Variants in DMD observed in about 807,000 individuals in gnomAD.
DMD encodes mutant dystrophin.
DMD carries 63 observed loss-of-function variants against 330.1 expected under a neutral mutation model. The ratio of observed to expected loss-of-function variants is 0.19; its 90% CI spans 0.16 to 0.24. The LOEUF (loss-of-function observed/expected upper bound fraction) is 0.24, where lower values mean the gene tolerates loss of function less well. Ranked by LOEUF, DMD falls within the 10% of genes least tolerant of loss-of-function variation. The pLI is 1.00. For synonymous variants in DMD, 1,223 were observed against 959.8 expected (o/e 1.27, Z -5.07); for missense variants, 3,344 against 2,684.1 (o/e 1.25, Z -5.43).
intron 2 of DMD, among the ~76,000 whole-genome samples, chrX:32,985,044 C>T (rs1191706436): frequency 1.8e-5 from 2 of 112,088 alleles, no homozygotes; most frequent in African/African-American, 3.2e-5. Flanking sequence ...ATTCTGAAAA[C>T]GGGTGATAAG....
chrX:31,366,276 C>T (rs1462481413), intron 60 of DMD, among the ~76,000 whole-genome samples: 1 of 108,814 alleles, frequency 9.2e-6, no homozygotes, highest in African/African-American at 3.3e-5. Context: ...TCTCAGGCTA[C>T]GCACCACTGA....
intron 50 of DMD, among the ~76,000 whole-genome samples, chrX:31,800,590 G>T (rs186030019): frequency 6.2e-5 from 7 of 112,383 alleles, no homozygotes; most frequent in Middle Eastern, 4.6e-3. Context: ...TTGTCTTGGC[G>T]CTTAACATTT....
intron 16 of DMD, among the ~76,000 whole-genome samples, chrX:32,548,301 C>A (rs1373087415): frequency 1.8e-5 from 2 of 111,618 alleles, no homozygotes; most frequent in Non-Finnish European, 3.8e-5. Context: ...TACCAGTATG[C>A]AAAATAATTA....
chrX:31,260,310 C>T (rs1018537336), intron 63 of DMD, among the ~76,000 whole-genome samples: 7 of 111,916 alleles, frequency 6.3e-5, no homozygotes, highest in Non-Finnish European at 1.1e-4. Context: ...AGATCTAAAA[C>T]GACAAACCAG....
At chrX:33,106,814 G>A (rs767334631) in intron 1 of DMD, among the ~76,000 whole-genome samples, 3 of 111,420 alleles carry the variant, frequency 2.7e-5, no homozygotes, top group Admixed American at 9.6e-5. Flanking sequence ...CAAGTTACTT[G>A]AGGCCATGAA....
intron 1 of DMD, among the ~76,000 whole-genome samples, chrX:33,230,404 AGAAAT>A (rs1321920406): frequency 2.7e-5 from 3 of 111,382 alleles, no homozygotes; most frequent in African/African-American, 9.7e-5. Context: ...AAAGTGAACA[AGAAAT>A]GAATTCTTAA....
chrX:33,256,455 G>A (rs142321910), intron 1 of DMD, among the ~76,000 whole-genome samples: 1,214 of 110,226 alleles, frequency 0.011, 17 homozygotes, highest in African/African-American at 0.037. Context: ...CTAGAAAAGC[G>A]TGGCTTCTAG....
chrX:32,042,202 CACAT>C (rs1309917724), intron 44 of DMD, among the ~76,000 whole-genome samples: 7 of 101,124 alleles, frequency 6.9e-5, no homozygotes, highest in Non-Finnish European at 1.2e-4. Flanking sequence ...CACACACACA[CACAT>C]ACACATACAC....
At chrX:32,116,596 T>C (rs762264690) in intron 44 of DMD, among the ~76,000 whole-genome samples, 1 of 112,003 alleles carries the variant, frequency 8.9e-6, no homozygotes, top group Admixed American at 9.5e-5. Flanking sequence ...GATCAACAGA[T>C]ACGGGAAGGG....
chrX:32,428,904 G>T (rs1183289368), intron 29 of DMD, among the ~76,000 whole-genome samples: 2 of 111,512 alleles, frequency 1.8e-5, no homozygotes, highest in Non-Finnish European at 3.8e-5. Context: ...GAGCCACCAT[G>T]CCCGGCCAGG....
At chrX:32,795,019 A>T (rs1045892779) in intron 7 of DMD, among the ~76,000 whole-genome samples, 11 of 112,288 alleles carry the variant, frequency 9.8e-5, no homozygotes, top group African/African-American at 3.6e-4. Context: ...ACACCAACAA[A>T]TGGAAAGTCA....
At position 31,183,868 on chromosome X, in the gene DMD, TAA is replaced by T. The variant is rs564530755; in HGVS notation, c.9808-966_9808-965del. ...TTTGTCTGAAAATACCTCCTTTTTTTAAAAAAAAAATCCATATTCCTGATAGT... is the reference window on the plus strand; with the variant it reads ...TTTGTCTGAAAATACCTCCTTTTTTTAAAAAAAATCCATATTCCTGATAGT... On this transcript the variant is annotated intron_variant, in intron 67 of 78. Transcript: ENST00000357033. 7.1e-3 allele frequency among the ~76,000 whole-genome samples: 506 copies of T among 70,773 alleles called. 1 individual carries two copies. The highest frequency in any genetic ancestry group is 0.026 in the African/African-American group (395 of 15,188). The allele number at this position is 70,773 out of a possible 115,157, so 61.5% of individuals were successfully genotyped here. A position where few individuals can be genotyped will look rare whatever the true frequency, so the allele number is the denominator to read the frequency against.
At chrX:31,755,246 AAT>A (rs1281077781) in intron 51 of DMD, among the ~76,000 whole-genome samples, 1 of 112,145 alleles carries the variant, frequency 8.9e-6, no homozygotes, top group African/African-American at 3.2e-5. Context: ...CTTTGGTTAA[AAT>A]ATTTGAGAGC....
intron 9 of DMD, among the ~76,000 whole-genome samples, chrX:32,688,693 T>G (rs972284382): frequency 4.5e-5 from 5 of 111,687 alleles, no homozygotes; most frequent in South Asian, 7.5e-4. Flanking sequence ...AAATAGCATA[T>G]GCAGGTCCCA....
intron 55 of DMD, chrX:31,508,245 T>G: frequency 8.3e-7 from 1 of 1,207,854 alleles, no homozygotes; most frequent in Non-Finnish European, 1.1e-6. Flanking sequence ...CATTTTCAGC[T>G]TGAACCGGGC....
intron 1 of DMD, among the ~76,000 whole-genome samples, chrX:33,308,463 C>G (rs1378624307): frequency 8.9e-6 from 1 of 111,916 alleles, no homozygotes; most frequent in South Asian, 3.7e-4. Context: ...GAATTAAACT[C>G]CAATATATTG....
intron 1 of DMD, among the ~76,000 whole-genome samples, chrX:33,165,310 C>G (rs781329628): frequency 9.0e-6 from 1 of 111,478 alleles, no homozygotes; most frequent in African/African-American, 3.2e-5. Context: ...GGAAAAATGA[C>G]TTAAACTTCA....
rs774402332 is a variant in DMD, at chrX:31,875,346, C to T, written c.6940G>A (p.Gly2314Arg). 8 of 1,203,739 alleles carry T rather than the reference C, an allele frequency of 6.6e-6. No homozygotes were observed. Among genetic ancestry groups the T allele is most frequent in the Non-Finnish European group, 7.9e-6 (7 of 890,522 alleles). Reference protein sequence around the residue: ...KVSRALPEKQGEIEAQIKDLG... With the variant: ...KVSRALPEKQREIEAQIKDLG... ...TCTTTTATTTGAGCTTCAATTTCTCCTTGTTTCTCAGGTAAAGCTCTGGAA... is the reference window on the plus strand; with the variant it reads ...TCTTTTATTTGAGCTTCAATTTCTCTTTGTTTCTCAGGTAAAGCTCTGGAA... Residue 2314 changes from glycine to arginine, a missense_variant, in exon 48 of 79, where the codon GGA (glycine) becomes AGA (arginine). Physicochemically the swap from Gly to Arg is moderately radical, Grantham distance 125 (BLOSUM62 -2). Transcript: ENST00000357033.
chrX:31,881,795 C>G (rs1391545119), intron 47 of DMD, among the ~76,000 whole-genome samples: 4 of 111,427 alleles, frequency 3.6e-5, no homozygotes, highest in Non-Finnish European at 7.5e-5. Context: ...TAAGTACACT[C>G]TATGATTATA....
Sources: allele counts gnomAD v4.1 joint callset (sites outside exome capture counted in the v4.1 genomes callset), GRCh38; gene constraint gnomAD v4.1.1; transcripts MANE v1.5; gene names NCBI Gene and HGNC (gene_info 2026-07-23, HGNC 2026-07-21).